The following MRPL33 variants were observed in gnomAD, a reference collection of about 807,000 sequenced individuals.
MRPL33 encodes the protein mitochondrial ribosomal protein L33.
MRPL33 carries 5 observed loss-of-function variants against 10.1 expected under a neutral mutation model. The ratio of observed to expected loss-of-function variants is 0.49; its 90% CI spans 0.26 to 1.04. The LOEUF is 1.04. Among genes scored for constraint, MRPL33 ranks in the 50% least tolerant of loss-of-function variants. MRPL33 has a pLI of 0.14. For synonymous variants in MRPL33, 24 were observed against 27.7 expected (o/e 0.87, Z 0.42); for missense variants, 79 against 78.1 (o/e 1.01, Z -0.04).
At chr2:27,778,417 A>G (rs1387528266) in intron 3 of MRPL33, among the ~76,000 whole-genome samples, 1 of 151,838 alleles carries the variant, frequency 6.6e-6, no homozygotes. Context: ...TTTTTGTTTT[A>G]GCAAAGAGGA....
Position 27,779,623 on chromosome 2 carries a change from G to T in MRPL33, c.*141G>T. The stretch of plus-strand genomic sequence containing the variant: ...CCTGTGATTTGAAGGCCATTGTGAA[G>T]GAAAACAATGCAGTGAAAGAAAGTT... On this transcript the variant is annotated 3_prime_UTR_variant, in exon 4 of 4. Transcript: ENST00000296102. 6.6e-7 allele frequency: 1 copy of T among 1,520,146 alleles called. No homozygotes were observed. The highest frequency in any genetic ancestry group is 8.8e-7 in the Non-Finnish European group (1 of 1,130,124). 94.2% of individuals were successfully genotyped at this position (1,520,146 alleles called of 1,614,324 possible).
At chr2:27,776,996 G>C (rs1282183501) in intron 3 of MRPL33, among the ~76,000 whole-genome samples, 1 of 152,214 alleles carries the variant, frequency 6.6e-6, no homozygotes, top group African/African-American at 2.4e-5. Flanking sequence ...GGTGGAGCCA[G>C]AGTTGGAACC....
At chr2:27,772,952 A>G in intron 2 of MRPL33, 1 of 455,842 alleles carries the variant, frequency 2.2e-6, no homozygotes, top group East Asian at 4.0e-5. Context: ...AGGATTTGTG[A>G]GCTCACTGTC....
At chr2:27,779,355 G>C in intron 3 of MRPL33, 78 bp from the exon 4 acceptor site, 1 of 1,461,628 alleles carries the variant, frequency 6.8e-7, no homozygotes, top group Admixed American at 2.2e-5. Context: ...AGGGCTTATG[G>C]TCTGATATGT....
chr2:27,772,589 CTGA>C, intron 1 of MRPL33, 82 bp from the exon 2 acceptor site: 1 of 1,095,202 alleles, frequency 9.1e-7, no homozygotes. Context: ...TTGGTTATTA[CTGA>C]TATTTATATG....
chr2:27,774,934 T>TG (rs1677121147), intron 3 of MRPL33, among the ~76,000 whole-genome samples: 1 of 151,640 alleles, frequency 6.6e-6, no homozygotes, highest in African/African-American at 2.4e-5. Flanking sequence ...AGAGAATAGG[T>TG]GGTAGTGTTC....
Position 27,771,765 on chromosome 2 carries a change from A to T in MRPL33, c.-13A>T. 6.2e-7 allele frequency: 1 copy of T among 1,614,146 alleles called. No homozygotes were observed. Among genetic ancestry groups the T allele is most frequent in the South Asian group, 1.1e-5 (1 of 91,078 alleles). The stretch of plus-strand genomic sequence containing the variant: ...TTTTGGCCGGTGACGGAGACTGCCC[A>T]GGTGTGGTCACCATGTTCCTCTCCG... On this transcript the variant is annotated 5_prime_UTR_variant, in exon 1 of 4. Coordinates refer to ENST00000296102, the MANE Select transcript of MRPL33 (RefSeq NM_004891.4).
intron 3 of MRPL33, among the ~76,000 whole-genome samples, chr2:27,775,955 C>CT (rs575733597): frequency 1.9e-3 from 283 of 152,268 alleles, no homozygotes; most frequent in African/African-American, 6.6e-3. Context: ...TTTTCTCCCT[C>CT]TGATTTCTTT....
Position 27,779,440 on chromosome 2 carries a change from A to G in MRPL33, c.156A>G (p.Gln52=), listed in dbSNP as rs190907465. The change falls in exon 4 of 4, where the codon CAA becomes CAG. Residue 52 remains glutamine, a synonymous_variant. Coordinates refer to ENST00000296102, the MANE Select transcript of MRPL33 (RefSeq NM_004891.4). ...TLLHYDPVVK[Q]RVLFVEKKKI... ...TTTTTTCTCCCTCCATAGTGAAACA[A>G]AGAGTCCTCTTCGTGGAAAAGAAAA... 2.2e-5 allele frequency: 35 copies of G among 1,604,292 alleles called. 1 individual carries two copies. In the African/African-American group the frequency reaches 2.6e-4, roughly 12 times the overall value.
chr2:27,772,171 GA>G (rs1677062383), intron 1 of MRPL33: 1 of 302,598 alleles, frequency 3.3e-6, no homozygotes, highest in Non-Finnish European at 6.1e-6. Flanking sequence ...GAGGGGCAAT[GA>G]ATTGCCTGAG....
chr2:27,779,383 C>T, intron 3 of MRPL33, 50 bp from the exon 4 acceptor site: 4 of 1,555,636 alleles, frequency 2.6e-6, no homozygotes, highest in African/African-American at 1.4e-5. Context: ...ATAAAAATGG[C>T]GATGATACTT....
At chr2:27,774,387 G>A (rs371984156) in intron 2 of MRPL33, 37 bp from the exon 3 acceptor site, 15 of 1,557,370 alleles carry the variant, frequency 9.6e-6, no homozygotes, top group Middle Eastern at 1.7e-4. Flanking sequence ...AGTTTATTTC[G>A]TCAGCTCGTA....
intron 1 of MRPL33, 132 bp downstream of exon 1, chr2:27,771,931 CT>C (rs911928187): frequency 2.1e-6 from 2 of 957,364 alleles, no homozygotes; most frequent in Non-Finnish European, 3.1e-6. Flanking sequence ...TTTTCCAGGC[CT>C]TCAGGACCAC....
chr2:27,774,395 G>T (rs781209728), intron 2 of MRPL33, 29 bp from the exon 3 acceptor site: 3 of 1,581,160 alleles, frequency 1.9e-6, no homozygotes, highest in Non-Finnish European at 2.6e-6. Flanking sequence ...TCGTCAGCTC[G>T]TACATAACAG....
At chr2:27,776,071 A>G (rs1026706994) in intron 3 of MRPL33, among the ~76,000 whole-genome samples, 1 of 152,228 alleles carries the variant, frequency 6.6e-6, no homozygotes, top group African/African-American at 2.4e-5. Flanking sequence ...AGGTATTAGG[A>G]ACTTAATAAT....
At position 27,772,845 on chromosome 2, in the gene MRPL33, T is replaced by C. The variant is rs950252343; in HGVS notation, c.41+153T>C. 4.8e-6 allele frequency: 3 copies of C among 622,266 alleles called. No homozygotes were observed. In the African/African-American group the frequency reaches 5.7e-5, roughly 12 times the overall value. The allele number at this position is 622,266 out of a possible 1,614,324, so 38.5% of individuals were successfully genotyped here. A position where few individuals can be genotyped will look rare whatever the true frequency, so the allele number is the denominator to read the frequency against. On this transcript the variant is annotated intron_variant, in intron 2 of 3. Coordinates refer to ENST00000296102, the MANE Select transcript of MRPL33 (RefSeq NM_004891.4). Reference sequence around the variant, plus strand: ...ATTACTTAGTTGATTATTTTTTCTTTATGAACTCTTTCAAAAATATTTTCC... The same window carrying C: ...ATTACTTAGTTGATTATTTTTTCTTCATGAACTCTTTCAAAAATATTTTCC...
intron 3 of MRPL33, among the ~76,000 whole-genome samples, chr2:27,774,751 G>T (rs1401473447): frequency 6.6e-6 from 1 of 152,190 alleles, no homozygotes; most frequent in African/African-American, 2.4e-5. Context: ...AGTCTGAGAG[G>T]GGGAGAAAAG....
chr2:27,773,064 G>A (rs3792252), intron 2 of MRPL33, among the ~76,000 whole-genome samples: 101,182 of 152,076 alleles, frequency 0.67, 34,540 homozygotes, highest in Middle Eastern at 0.78. Flanking sequence ...AGCTCACTAC[G>A]GGAATCCAGA....
intron 3 of MRPL33, among the ~76,000 whole-genome samples, chr2:27,775,350 A>AT (rs67199907): frequency 0.56 from 69,056 of 122,982 alleles, 20,737 homozygotes; most frequent in Middle Eastern, 0.74. Flanking sequence ...TTTATAATTA[A>AT]TTTTTTTTTT....
Sources: gnomAD v4.1 joint callset for allele counts (sites outside exome capture counted in the v4.1 genomes callset) on GRCh38, gnomAD v4.1.1 for gene constraint, MANE v1.5 for transcripts, NCBI Gene and HGNC (gene_info 2026-07-23, HGNC 2026-07-21) for gene names.